The following PCDH11Y variants were observed in gnomAD, a reference collection of about 807,000 sequenced individuals.
PCDH11Y encodes protocadherin 11 Y-linked, also known as protocadherin-11 Y-linked.
For synonymous variants in PCDH11Y, 9 were observed against 83.6 expected (o/e 0.11, Z 4.87); for missense variants, 12 against 224.8 (o/e 0.05, Z 6.05).
intron 3 of PCDH11Y, among the ~76,000 whole-genome samples, chrY:5,538,005 A>T (rs2053402139): frequency 3.0e-5 from 1 of 33,534 alleles, no homozygotes; most frequent in Non-Finnish European, 7.4e-5. Flanking sequence ...AGCTCAGCTG[A>T]TGCTTATGTT....
At chrY:5,530,478 C>A (rs1602938686) in intron 3 of PCDH11Y, among the ~76,000 whole-genome samples, 1 of 32,724 alleles carries the variant, frequency 3.1e-5, no homozygotes, top group Non-Finnish European at 7.6e-5. Flanking sequence ...AATGACCTAG[C>A]AAGCCTATAG....
intron 2 of PCDH11Y, among the ~76,000 whole-genome samples, chrY:5,139,917 TA>T (rs2052846459): frequency 8.2e-5 from 1 of 12,243 alleles, no homozygotes. Flanking sequence ...CATATGGAAT[TA>T]AAAAAAACAC....
intron 3 of PCDH11Y, among the ~76,000 whole-genome samples, chrY:5,569,328 C>T (rs2053437506): frequency 5.3e-5 from 1 of 18,961 alleles, no homozygotes; most frequent in African/African-American, 2.1e-4. Context: ...TTGAAATTCT[C>T]GTATAAGATT....
chrY:5,358,762 A>G, intron 2 of PCDH11Y, among the ~76,000 whole-genome samples: 1 of 32,312 alleles, frequency 3.1e-5, no homozygotes, highest in Non-Finnish European at 7.5e-5. Flanking sequence ...TCACATGAGC[A>G]GAGGGATGAC....
chrY:5,702,006 C>T, intron 4 of PCDH11Y, among the ~76,000 whole-genome samples: 1 of 33,126 alleles, frequency 3.0e-5, no homozygotes, highest in Admixed American at 2.7e-4. Context: ...TTGCATGGGG[C>T]CTGTAGTCCC....
intron 4 of PCDH11Y, among the ~76,000 whole-genome samples, chrY:5,728,299 GT>G (rs2053600488): frequency 3.1e-5 from 1 of 32,571 alleles, no homozygotes; most frequent in Admixed American, 2.8e-4. Flanking sequence ...GAATTGCTGG[GT>G]TTTTTTTCTG....
At chrY:5,305,956 CAT>C (rs2053090086) in intron 2 of PCDH11Y, among the ~76,000 whole-genome samples, 1 of 31,378 alleles carries the variant, frequency 3.2e-5, no homozygotes, top group Admixed American at 3.1e-4. Flanking sequence ...CACAGCTGTA[CAT>C]GTTTCCCTCC....
chrY:5,656,694 C>T, intron 4 of PCDH11Y, among the ~76,000 whole-genome samples: 1 of 32,448 alleles, frequency 3.1e-5, no homozygotes, highest in South Asian at 6.8e-4. Flanking sequence ...CAATCTCTAT[C>T]AAAATACCAA....
intron 2 of PCDH11Y, among the ~76,000 whole-genome samples, chrY:5,113,355 C>T (rs2052804413): frequency 2.9e-5 from 1 of 34,325 alleles, no homozygotes; most frequent in Non-Finnish European, 7.4e-5. Flanking sequence ...GTTTTAGTTT[C>T]GTGCGTTTTA....
chrY:5,046,184 T>C (rs3955269), intron 3 of PCDH11Y, among the ~76,000 whole-genome samples: 1 of 29,744 alleles, frequency 3.4e-5, no homozygotes, highest in Non-Finnish European at 7.5e-5. Flanking sequence ...GGAGGAGAGG[T>C]GCTCTGCTTT....
chrY:5,742,142 A>G, exon 5 of PCDH11Y: 1 of 31,397 alleles, frequency 3.2e-5, no homozygotes, highest in Non-Finnish European at 7.8e-5. Context: ...TCCAGAAGCA[A>G]ACTTGTATTA....
At chrY:5,355,585 A>G (rs2053165050) in intron 2 of PCDH11Y, among the ~76,000 whole-genome samples, 1 of 31,805 alleles carries the variant, frequency 3.1e-5, no homozygotes, top group Non-Finnish European at 7.6e-5. Flanking sequence ...AAAAACCCAT[A>G]TACACCTTCT....
intron 2 of PCDH11Y, among the ~76,000 whole-genome samples, chrY:5,351,295 AGTGTGTGTGTGT>A (rs756307805): frequency 4.6e-5 from 1 of 21,931 alleles, no homozygotes. Flanking sequence ...ATATGTGGGG[AGTGTGTGTGTGT>A]GTGTGTGTGT....
intron 2 of PCDH11Y, among the ~76,000 whole-genome samples, chrY:5,362,346 T>G (rs1602911617): frequency 3.2e-5 from 1 of 30,920 alleles, no homozygotes; most frequent in Non-Finnish European, 7.7e-5. Context: ...TTATTCGGGA[T>G]ATTTCATATA....
intron 2 of PCDH11Y, among the ~76,000 whole-genome samples, chrY:5,236,517 A>G: frequency 3.1e-5 from 1 of 32,601 alleles, no homozygotes; most frequent in Non-Finnish European, 7.5e-5. Context: ...AATTTATTCT[A>G]ATGAATCTTC....
intron 4 of PCDH11Y, among the ~76,000 whole-genome samples, chrY:5,648,269 C>T: frequency 6.0e-5 from 2 of 33,196 alleles, no homozygotes; most frequent in Non-Finnish European, 7.4e-5. Flanking sequence ...ACCACTTTAT[C>T]CTGAGCATTA....
At chrY:5,196,346 T>A in intron 2 of PCDH11Y, among the ~76,000 whole-genome samples, 1 of 32,953 alleles carries the variant, frequency 3.0e-5, no homozygotes, top group African/African-American at 1.2e-4. Context: ...CTGGGATAAT[T>A]TTTTTATATT....
intron 4 of PCDH11Y, among the ~76,000 whole-genome samples, chrY:5,664,204 A>G (rs2053542943): frequency 7.2e-4 from 24 of 33,225 alleles, no homozygotes; most frequent in African/African-American, 2.8e-3. Flanking sequence ...CCCAGATTCT[A>G]TGATTCCTTT....
intron 4 of PCDH11Y, among the ~76,000 whole-genome samples, chrY:5,654,361 CTAGCA>C (rs2053534562): frequency 8.9e-5 from 3 of 33,702 alleles, no homozygotes; most frequent in Admixed American, 8.0e-4. Flanking sequence ...ATCATTCAAC[CTAGCA>C]ATTCCAGTAC....
Sources: allele counts gnomAD v4.1 joint callset (sites outside exome capture counted in the v4.1 genomes callset), GRCh38; gene constraint gnomAD v4.1.1; transcripts MANE v1.5; gene names NCBI Gene and HGNC (gene_info 2026-07-23, HGNC 2026-07-21).